Variants in PTPRR observed in about 807,000 individuals in gnomAD.
The protein encoded by PTPRR is protein tyrosine phosphatase receptor type R, also known as receptor-type tyrosine-protein phosphatase R.
PTPRR carries 38 observed loss-of-function variants against 77.2 expected under a neutral mutation model. The ratio of observed to expected loss-of-function variants is 0.49; its 90% CI spans 0.38 to 0.65. The LOEUF is 0.65. PTPRR is among the 30% of genes least tolerant of loss of function. The pLI is 0.00. For synonymous variants in PTPRR, 299 were observed against 283.1 expected (o/e 1.06, Z -0.57); for missense variants, 744 against 799.2 (o/e 0.93, Z 0.83).
At chr12:70,719,619 A>C (rs1347929231) in intron 6 of PTPRR, among the ~76,000 whole-genome samples, 1 of 152,256 alleles carries the variant, frequency 6.6e-6, no homozygotes, top group South Asian at 2.1e-4. Context: ...TCTACAACAA[A>C]TCTGTATCAT....
At chr12:70,907,800 T>C (rs995723315) in intron 1 of PTPRR, among the ~76,000 whole-genome samples, 1 of 152,096 alleles carries the variant, frequency 6.6e-6, no homozygotes, top group Non-Finnish European at 1.5e-5. Context: ...AGTCAAAGGA[T>C]ACTGGGAGGA....
intron 2 of PTPRR, among the ~76,000 whole-genome samples, chr12:70,865,059 C>T (rs893879733): frequency 5.5e-4 from 84 of 152,100 alleles, no homozygotes; most frequent in Non-Finnish European, 7.8e-4. Flanking sequence ...GTGATCCGCC[C>T]GCCTTGGCCT....
chr12:70,639,763 T>G (rs987797253), intron 13 of PTPRR: 2 of 152,784 alleles, frequency 1.3e-5, no homozygotes, highest in African/African-American at 4.8e-5. Context: ...CTCAGGTGCC[T>G]CATGATTCAT....
In PTPRR at chr12:70,689,758, G is replaced by A. The variant is rs192199118; in HGVS notation, c.1280-4975C>T. 9.1e-4 allele frequency among the ~76,000 whole-genome samples: 138 copies of A among 152,252 alleles called. 1 individual carries two copies. Among genetic ancestry groups the A allele is most frequent in the Middle Eastern group, 3.4e-3 (1 of 294 alleles). ...AAAAGCTTCTTGCCAAGCATGCTCCGTGCTGTCTGGCATTTTTGCTGTCAA... is the reference window on the plus strand; with the variant it reads ...AAAAGCTTCTTGCCAAGCATGCTCCATGCTGTCTGGCATTTTTGCTGTCAA... On this transcript the variant is annotated intron_variant, in intron 8 of 13. Coordinates refer to ENST00000283228, the MANE Select transcript of PTPRR (RefSeq NM_002849.4).
chr12:70,678,321 G>A (rs986843207), intron 10 of PTPRR, among the ~76,000 whole-genome samples: 4 of 152,292 alleles, frequency 2.6e-5, no homozygotes, highest in East Asian at 1.9e-4. Context: ...GGTTACAGGC[G>A]TGAGCCACAG....
At position 70,849,199 on chromosome 12, in the gene PTPRR, G is replaced by T. The variant is rs917297955; in HGVS notation, c.357+43480C>A. Among the ~76,000 whole-genome samples, 7 of 151,824 alleles carry T rather than the reference G, an allele frequency of 4.6e-5. No homozygotes were observed. The South Asian group carries it at 8.3e-4, about 18-fold the overall frequency. On this transcript the variant is annotated intron_variant, in intron 2 of 13. Transcript: ENST00000283228. ...TTAGAAATGACTATTTCCAAAGGTAGATATTTGAACCATGGAAGTAGATAT... is the reference window on the plus strand; with the variant it reads ...TTAGAAATGACTATTTCCAAAGGTATATATTTGAACCATGGAAGTAGATAT...
intron 1 of PTPRR, among the ~76,000 whole-genome samples, chr12:70,894,956 T>C (rs1446187516): frequency 1.3e-5 from 2 of 151,696 alleles, no homozygotes; most frequent in African/African-American, 4.8e-5. Flanking sequence ...AGGATCCACA[T>C]AAAATATAAT....
intron 2 of PTPRR, among the ~76,000 whole-genome samples, chr12:70,813,407 A>G (rs1405405956): frequency 1.3e-5 from 2 of 152,242 alleles, no homozygotes; most frequent in African/African-American, 4.8e-5. Context: ...TTTTGACAAT[A>G]GAACTTAAAC....
At chr12:70,881,337 A>G (rs1161528476) in intron 2 of PTPRR, among the ~76,000 whole-genome samples, 2 of 152,130 alleles carry the variant, frequency 1.3e-5, no homozygotes, top group Non-Finnish European at 2.9e-5. Flanking sequence ...ATCCTAACAC[A>G]TATTATTCTC....
At chr12:70,758,652 A>G (rs1190680079) in intron 4 of PTPRR, among the ~76,000 whole-genome samples, 1 of 152,160 alleles carries the variant, frequency 6.6e-6, no homozygotes, top group Non-Finnish European at 1.5e-5. Context: ...GAACTGCTTC[A>G]GATTCAGACG....
At chr12:70,754,661 T>C in intron 4 of PTPRR, 1 of 1,597,494 alleles carries the variant, frequency 6.3e-7, no homozygotes, top group East Asian at 2.2e-5. Flanking sequence ...CTGTTTTAAG[T>C]CCCCTCCCAC....
At chr12:70,847,955 C>T (rs1245149196) in intron 2 of PTPRR, among the ~76,000 whole-genome samples, 2 of 152,134 alleles carry the variant, frequency 1.3e-5, no homozygotes, top group South Asian at 2.1e-4. Context: ...CAGTTGCTTT[C>T]GGGGTATCCC....
intron 2 of PTPRR, among the ~76,000 whole-genome samples, chr12:70,888,346 T>C (rs1426906758): frequency 6.6e-6 from 1 of 152,226 alleles, no homozygotes; most frequent in African/African-American, 2.4e-5. Context: ...TGGTCAATAA[T>C]ATTTTCCCAC....
rs147097702 is a variant in PTPRR at position 70,639,272 on chromosome 12, C to G, written c.1886G>C (p.Gly629Ala). The change falls in exon 14 of 14, where the codon GGA becomes GCA. Residue 629 changes from glycine to alanine, a missense_variant. By Grantham distance (60) the Gly-to-Ala change is moderately conservative. Around this residue, in one of 3 missense-constraint regions of PTPRR, gnomAD observed 170 missense variants for 209.8 expected, o/e 0.81. Transcript: ENST00000283228. ...IVCQLRMDRG[G>A]MVQTSEQYEF... Reference sequence around the variant, plus strand: ...ATACTGCTCACTGGTTTGCACCATTCCACCTCTGCAAGGAAGAAATCATAA... The same window carrying G: ...ATACTGCTCACTGGTTTGCACCATTGCACCTCTGCAAGGAAGAAATCATAA... The G allele has an allele frequency of 2.5e-6, 4 of 1,612,768 alleles. No individual in the cohort carries two copies. Among genetic ancestry groups the G allele is most frequent in the Non-Finnish European group, 3.4e-6 (4 of 1,179,774 alleles).
At chr12:70,872,146 C>A (rs147991504) in intron 2 of PTPRR, among the ~76,000 whole-genome samples, 49 of 151,828 alleles carry the variant, frequency 3.2e-4, no homozygotes, top group Admixed American at 1.8e-3. Context: ...AAAGTTCATT[C>A]TGTAAAAGGC....
intron 6 of PTPRR, among the ~76,000 whole-genome samples, chr12:70,705,654 A>AATATGG (rs1237688523): frequency 6.6e-6 from 1 of 152,110 alleles, no homozygotes; most frequent in East Asian, 1.9e-4. Flanking sequence ...AGAACGGAAA[A>AATATGG]ATATGGATTT....
At chr12:70,821,721 G>A (rs1249950420) in intron 2 of PTPRR, among the ~76,000 whole-genome samples, 1 of 151,874 alleles carries the variant, frequency 6.6e-6, no homozygotes, top group African/African-American at 2.4e-5. Flanking sequence ...GAGTGCAGTG[G>A]AACGATCTCG....
intron 1 of PTPRR, among the ~76,000 whole-genome samples, chr12:70,900,509 G>C (rs959188001): frequency 1.2e-4 from 18 of 151,412 alleles, no homozygotes; most frequent in African/African-American, 4.1e-4. Flanking sequence ...GGCAACTGAA[G>C]CAAAAATAGA....
chr12:70,893,072 C>CT, intron 1 of PTPRR, 95 bp from the exon 2 acceptor site: 1 of 1,325,678 alleles, frequency 7.5e-7, no homozygotes. Context: ...TCTTGAGAGG[C>CT]TTTAAGACTT....
Sources: allele counts gnomAD v4.1 joint callset (sites outside exome capture counted in the v4.1 genomes callset), GRCh38; gene constraint gnomAD v4.1.1; regional missense constraint gnomAD v4.1.1; transcripts MANE v1.5; gene names NCBI Gene and HGNC (gene_info 2026-07-23, HGNC 2026-07-21).